Variants in IL3RA observed in about 807,000 individuals in gnomAD.
IL3RA encodes the protein interleukin 3 receptor subunit alpha.
Under a neutral mutation model 52.3 loss-of-function variants are expected in IL3RA, and 73 were observed. The ratio of observed to expected loss-of-function variants is 1.40; its 90% CI spans 1.16 to 1.70. The LOEUF is 1.70. IL3RA is among the 40% of genes most tolerant of loss of function. The pLI, the probability that IL3RA is intolerant of heterozygous loss-of-function variation, is 0.00. For missense variants in IL3RA, 664 were observed against 504.4 expected, an observed-to-expected ratio of 1.32 and a Z score of -3.03; for synonymous variants, 260 against 194.0, an observed-to-expected ratio of 1.34 and a Z score of -2.83.
chrX:1,348,628 T>G (rs1569520655), intron 4 of IL3RA, 83 bp downstream of exon 4: 1 of 860,204 alleles, frequency 1.2e-6, no homozygotes, highest in Non-Finnish European at 1.9e-6. Context: ...CGCTGTGTCT[T>G]TTTTCTTTTC....
chrX:1,352,578 C>G (rs2086154493), intron 6 of IL3RA, 72 bp downstream of exon 6: 1 of 1,469,768 alleles, frequency 6.8e-7, no homozygotes, highest in African/African-American at 1.4e-5. Flanking sequence ...GGCCAGATCC[C>G]ACGGGACCAC....
chrX:1,358,426 G>A (rs758967980), intron 7 of IL3RA, among the ~76,000 whole-genome samples: 3 of 152,244 alleles, frequency 2.0e-5, no homozygotes, highest in South Asian at 2.1e-4. Flanking sequence ...TTGGGAGGCC[G>A]AGGTGGGCAG....
intron 8 of IL3RA, among the ~76,000 whole-genome samples, chrX:1,362,006 C>CTG (rs1491406528): frequency 6.6e-6 from 1 of 151,564 alleles, no homozygotes; most frequent in African/African-American, 2.4e-5. Context: ...TTCTGTTTTC[C>CTG]TCTCTGTCTC....
Position 1,348,662 on chromosome X carries a change from CTTTCTT to C in IL3RA, c.298+119_298+124del, listed in dbSNP as rs1385128111. 46 of 444,490 alleles carry C rather than the reference CTTTCTT, an allele frequency of 1.0e-4. 1 individual carries two copies. The African/African-American group carries it at 2.0e-3, about 19-fold the overall frequency. The allele number at this position is 444,490 out of a possible 1,614,324, so 27.5% of individuals were successfully genotyped here. ...TCTTTTTCTCTTTCTTTCTTTCTTTCTTTCTTTCTTTCTTTCTTTCTTTCTTTCTTT... is the reference window on the plus strand; with the variant it reads ...TCTTTTTCTCTTTCTTTCTTTCTTTCTCTTTCTTTCTTTCTTTCTTTCTTT... On this transcript the variant is annotated intron_variant, in intron 4 of 11. Transcript: ENST00000331035.
chrX:1,378,584 C>A, intron 9 of IL3RA, 75 bp from the exon 10 acceptor site: 4 of 1,308,986 alleles, frequency 3.1e-6, no homozygotes, highest in Non-Finnish European at 4.3e-6. Flanking sequence ...TTCCCAGGGC[C>A]CCGGGGAGAG....
At chrX:1,355,419 A>AGGGGC (rs1569523205) in intron 6 of IL3RA, among the ~76,000 whole-genome samples, 3 of 76,872 alleles carry the variant, frequency 3.9e-5, no homozygotes, top group African/African-American at 1.6e-4. Flanking sequence ...GCGGAGGGGG[A>AGGGGC]GGAGGGGAGG....
Position 1,361,610 on chromosome X carries a change from C to T in IL3RA, c.759+2723C>T, listed in dbSNP as rs139984759. Among the ~76,000 whole-genome samples the T allele has an allele frequency of 3.7e-3, 568 of 151,744 alleles. 2 individuals are homozygous for T. Among genetic ancestry groups the T allele is most frequent in the African/African-American group, 0.012 (507 of 41,396 alleles). On this transcript the variant is annotated intron_variant, in intron 8 of 11. Coordinates refer to ENST00000331035, the MANE Select transcript of IL3RA (RefSeq NM_002183.4). Reference sequence around the variant, plus strand: ...CTAAAAATAAAAAAAATTACCCAGACGTGGTGGTGGCAGGCGCCTGTGGTC... The same window carrying T: ...CTAAAAATAAAAAAAATTACCCAGATGTGGTGGTGGCAGGCGCCTGTGGTC...
At chrX:1,380,518 A>G in intron 10 of IL3RA, among the ~76,000 whole-genome samples, 1 of 7,760 alleles carries the variant, frequency 1.3e-4, no homozygotes. Context: ...GGGGGAAGGG[A>G]AGAGGGGGAG....
rs1385092461 is a variant in IL3RA at position 1,345,315 on chromosome X, G to T, written c.65-1G>T. 1.4e-5 allele frequency: 22 copies of T among 1,605,722 alleles called. No individual in the cohort carries two copies. The highest frequency in any genetic ancestry group is 1.9e-5 in the Non-Finnish European group (22 of 1,174,928). On this transcript the variant is annotated splice_acceptor_variant, in intron 2 of 11. Coordinates refer to ENST00000331035, the MANE Select transcript of IL3RA (RefSeq NM_002183.4). LOFTEE classifies it high-confidence loss of function. ...CGAACTCCAACCTGTCACCGTTTTA[G>T]ATCCAAACCCACCAATCACGAACCT...
intron 4 of IL3RA, 22 bp from the exon 5 acceptor site, chrX:1,352,078 T>G (rs2086113278): frequency 1.2e-6 from 2 of 1,612,948 alleles, no homozygotes; most frequent in Non-Finnish European, 1.7e-6. Flanking sequence ...ATTCGAGTTC[T>G]CTTTCATGTT....
intron 6 of IL3RA, among the ~76,000 whole-genome samples, chrX:1,354,766 G>A (rs1374207736): frequency 8.4e-6 from 1 of 119,668 alleles, no homozygotes; most frequent in Non-Finnish European, 1.7e-5. Context: ...GCAGGAGGAG[G>A]AGAAGAAAGA....
At chrX:1,355,419 AGGAGG>A (rs1246898079) in intron 6 of IL3RA, among the ~76,000 whole-genome samples, 2,001 of 76,782 alleles carry the variant, frequency 0.026, 100 homozygotes, top group African/African-American at 0.099. Flanking sequence ...GCGGAGGGGG[AGGAGG>A]GGAGGGGAGG....
intron 4 of IL3RA, among the ~76,000 whole-genome samples, chrX:1,348,837 C>T (rs1161820726): frequency 6.8e-6 from 1 of 147,254 alleles, no homozygotes; most frequent in Non-Finnish European, 1.5e-5. Context: ...TCCTTTTCCT[C>T]CCTCCTCCTT....
chrX:1,359,175 G>T (rs1189280208), intron 8 of IL3RA, among the ~76,000 whole-genome samples: 1 of 151,980 alleles, frequency 6.6e-6, no homozygotes, highest in Non-Finnish European at 1.5e-5. Flanking sequence ...AGAGCCAGAT[G>T]CTATGGCTGG....
Position 1,347,218 on chromosome X carries a change from G to A in IL3RA, c.184-1213G>A, listed in dbSNP as rs761514290. Among the ~76,000 whole-genome samples the A allele has an allele frequency of 2.7e-5, 4 of 150,890 alleles. No individual in the cohort carries two copies. In the South Asian group the frequency reaches 8.4e-4, roughly 32 times the overall value. ...TCCCAGCACTTTGGAGGCCGAGGCG[G>A]GTGGATCACGAGGTCAGGAGATCGA... On this transcript the variant is annotated intron_variant, in intron 3 of 11. Coordinates refer to ENST00000331035, the MANE Select transcript of IL3RA (RefSeq NM_002183.4).
intron 6 of IL3RA, among the ~76,000 whole-genome samples, chrX:1,353,326 ACC>A (rs68004442): frequency 7.4e-6 from 1 of 134,868 alleles, no homozygotes; most frequent in Non-Finnish European, 1.6e-5. Context: ...GGGTCATGGG[ACC>A]CCCCCATCAT....
intron 7 of IL3RA, 107 bp from the exon 8 acceptor site, chrX:1,358,754 C>A: frequency 1.7e-6 from 2 of 1,201,970 alleles, no homozygotes; most frequent in Non-Finnish European, 2.5e-6. Context: ...TTCCCAGAGC[C>A]CTCACTGTTT....
intron 2 of IL3RA, among the ~76,000 whole-genome samples, chrX:1,343,528 G>A (rs1220045839): frequency 2.0e-5 from 3 of 151,200 alleles, no homozygotes; most frequent in Non-Finnish European, 2.9e-5. Context: ...TTAGCTGGGC[G>A]CGGTGCTGTG....
chrX:1,365,357 CGGGGTGA>C (rs2087882977), intron 9 of IL3RA, 105 bp downstream of exon 9: 1 of 276,220 alleles, frequency 3.6e-6, no homozygotes, highest in Non-Finnish European at 5.3e-6. Context: ...GCGGGGTGAG[CGGGGTGA>C]GCCGGGTGCG....
Sources: allele counts gnomAD v4.1 joint callset (sites outside exome capture counted in the v4.1 genomes callset), GRCh38; gene constraint gnomAD v4.1.1; transcripts MANE v1.5; gene names NCBI Gene and HGNC (gene_info 2026-07-23, HGNC 2026-07-21).